Variants in NRXN1 observed in about 807,000 individuals in gnomAD.
NRXN1 encodes the protein neurexin-1.
In NRXN1, 39 loss-of-function variants were observed where a neutral mutation model predicts 150.9. The observed-to-expected ratio is 0.26, with a 90% CI of 0.20 to 0.34. NRXN1 has a LOEUF of 0.34. Among genes scored for constraint, NRXN1 ranks in the 10% least tolerant of loss-of-function variants. NRXN1 has a pLI of 1.00. For missense variants in NRXN1, 1,815 were observed against 1,949.9 expected, an observed-to-expected ratio of 0.93 and a Z score of 1.30; for synonymous variants, 924 against 757.0, an observed-to-expected ratio of 1.22 and a Z score of -3.62.
At position 51,006,409 on chromosome 2, in the gene NRXN1, G is replaced by T. The variant is rs528804618; in HGVS notation, c.772+21093C>A. ...GGGGACTGTTGTGGGGTGGGGGAAG[G>T]GGGGAGGGATAGCATTAGGATATAT... On this transcript the variant is annotated intron_variant, in intron 2 of 22. Transcript: ENST00000401669. Among the ~76,000 whole-genome samples the T allele has an allele frequency of 6.6e-5, 10 of 151,818 alleles. No individual in the cohort carries two copies. In the East Asian group the frequency reaches 7.8e-4, roughly 12 times the overall value.
At chr2:50,536,082 G>A (rs1210159825) in intron 10 of NRXN1, among the ~76,000 whole-genome samples, 1 of 152,164 alleles carries the variant, frequency 6.6e-6, no homozygotes, top group African/African-American at 2.4e-5. Context: ...CGGAGGTTCA[G>A]GCACAATCTT....
intron 2 of NRXN1, among the ~76,000 whole-genome samples, chr2:51,009,501 T>A (rs1229492666): frequency 2.0e-5 from 3 of 151,920 alleles, no homozygotes; most frequent in Non-Finnish European, 4.4e-5. Context: ...AGCTTAGTCA[T>A]CCATTTGCAA....
At chr2:50,756,089 T>G (rs977010463) in intron 5 of NRXN1, among the ~76,000 whole-genome samples, 2 of 151,780 alleles carry the variant, frequency 1.3e-5, no homozygotes, top group Non-Finnish European at 2.9e-5. Flanking sequence ...GCAGGTGGAT[T>G]ATCCACATAC....
At chr2:50,200,535 G>A (rs1458721167) in intron 18 of NRXN1, among the ~76,000 whole-genome samples, 2 of 152,092 alleles carry the variant, frequency 1.3e-5, no homozygotes, top group African/African-American at 2.4e-5. Flanking sequence ...TGCAGATAGC[G>A]ACACACAGCT....
intron 18 of NRXN1, among the ~76,000 whole-genome samples, chr2:50,111,678 C>T: frequency 6.6e-6 from 1 of 151,952 alleles, no homozygotes; most frequent in East Asian, 1.9e-4. Context: ...TGGGTCTGCA[C>T]TATGGATCAT....
chr2:50,698,430 A>G (rs1294407466), intron 5 of NRXN1, among the ~76,000 whole-genome samples: 4 of 152,222 alleles, frequency 2.6e-5, no homozygotes, highest in Non-Finnish European at 5.9e-5. Context: ...ATAATGTAAA[A>G]TAAGTCACTC....
chr2:50,225,959 G>T (rs1224493755), intron 18 of NRXN1, among the ~76,000 whole-genome samples: 1 of 151,964 alleles, frequency 6.6e-6, no homozygotes, highest in African/African-American at 2.4e-5. Flanking sequence ...ATACTAAAGG[G>T]TAGGGTTGTT....
rs151160783 is a variant in NRXN1 at position 50,830,113 on chromosome 2, T to C, written c.832+91756A>G. On this transcript the variant is annotated intron_variant, in intron 5 of 22. Coordinates refer to ENST00000401669, the MANE Select transcript of NRXN1 (RefSeq NM_001330078.2). ...GAGTCTGCTAATTGGCACTAGGGCA[T>C]TGTCTGGGCTTGCACTTCTTTACTG... Among the ~76,000 whole-genome samples the C allele has an allele frequency of 3.7e-3, 557 of 150,894 alleles. 4 individuals are homozygous for C. The highest frequency in any genetic ancestry group is 0.013 in the African/African-American group (517 of 41,108).
chr2:51,021,544 A>T (rs556142243), intron 2 of NRXN1, among the ~76,000 whole-genome samples: 1 of 137,558 alleles, frequency 7.3e-6, no homozygotes, highest in South Asian at 2.3e-4. Flanking sequence ...TATCAGTGAC[A>T]TGTATACATA....
intron 17 of NRXN1, among the ~76,000 whole-genome samples, chr2:50,428,072 A>G (rs541381559): frequency 5.1e-4 from 77 of 152,214 alleles, no homozygotes; most frequent in African/African-American, 1.8e-3. Flanking sequence ...ACTCAGGCCC[A>G]AATTCTTTAG....
intron 5 of NRXN1, among the ~76,000 whole-genome samples, chr2:50,683,646 A>AAAAAAAAAAAAAAAAAAATATATATAT: frequency 2.0e-4 from 3 of 14,902 alleles, no homozygotes; most frequent in African/African-American, 3.6e-4. Context: ...AAAAAAAAAA[A>AAAAAAAAAAAAAAAAAAATATATATAT]ATATATATAT....
At chr2:50,663,464 T>A (rs923375160) in intron 5 of NRXN1, among the ~76,000 whole-genome samples, 1 of 152,018 alleles carries the variant, frequency 6.6e-6, no homozygotes, top group Non-Finnish European at 1.5e-5. Flanking sequence ...AACTGCCTAT[T>A]CTAACCTGAC....
At chr2:50,699,946 A>G (rs541718883) in intron 5 of NRXN1, among the ~76,000 whole-genome samples, 1 of 152,284 alleles carries the variant, frequency 6.6e-6, no homozygotes, top group East Asian at 1.9e-4. Context: ...CTAAGCTCCA[A>G]GTACTGCACT....
chr2:50,515,281 G>C (rs13034765), intron 12 of NRXN1, among the ~76,000 whole-genome samples: 41,545 of 152,136 alleles, frequency 0.27, 6,729 homozygotes, highest in South Asian at 0.38. Flanking sequence ...AGACTCTCTA[G>C]TTGCTGGTAA....
chr2:49,957,981 T>C (rs1026096211), intron 21 of NRXN1, among the ~76,000 whole-genome samples: 4 of 152,156 alleles, frequency 2.6e-5, no homozygotes, highest in Non-Finnish European at 1.5e-5. Context: ...TTTAAATTCT[T>C]CCCTATGTCT....
rs559209937 is a variant in NRXN1, at chr2:50,885,449, C to A, written c.832+36420G>T. Among the ~76,000 whole-genome samples, 25 of 150,250 alleles carry A rather than the reference C, an allele frequency of 1.7e-4. 1 individual carries two copies. In the South Asian group the frequency reaches 4.8e-3, roughly 29 times the overall value. ...TTTAAACATAAATAAAAATATCATA[C>A]TTATTTGTATGTTTATTTCCAACTA... On this transcript the variant is annotated intron_variant, in intron 5 of 22. Coordinates refer to ENST00000401669, the MANE Select transcript of NRXN1 (RefSeq NM_001330078.2).
chr2:50,161,216 T>C (rs1419798903), intron 18 of NRXN1, among the ~76,000 whole-genome samples: 1 of 152,144 alleles, frequency 6.6e-6, no homozygotes, highest in African/African-American at 2.4e-5. Context: ...TTACAAAGAA[T>C]ACTTTTATCT....
intron 5 of NRXN1, among the ~76,000 whole-genome samples, chr2:50,729,657 T>C (rs1697840050): frequency 6.6e-6 from 1 of 152,216 alleles, no homozygotes; most frequent in Non-Finnish European, 1.5e-5. Context: ...CAGGCCTTTC[T>C]TTTATCCATC....
At chr2:50,001,744 C>T (rs922019737) in intron 21 of NRXN1, among the ~76,000 whole-genome samples, 1 of 152,104 alleles carries the variant, frequency 6.6e-6, no homozygotes, top group Non-Finnish European at 1.5e-5. Context: ...AGAGCACACA[C>T]ATACTGTTGT....
Sources: gnomAD v4.1 joint callset for allele counts (sites outside exome capture counted in the v4.1 genomes callset) on GRCh38, gnomAD v4.1.1 for gene constraint, MANE v1.5 for transcripts, NCBI Gene and HGNC (gene_info 2026-07-23, HGNC 2026-07-21) for gene names.